The following CGAS variants were observed in gnomAD, a reference collection of about 807,000 sequenced individuals.
CGAS encodes 2'3'-cGAMP synthase.
In CGAS, 31 loss-of-function variants were observed where a neutral mutation model predicts 34.0. That is an observed-to-expected ratio of 0.91 (90% CI 0.69 to 1.23). CGAS has a LOEUF of 1.23. Among genes scored for constraint, CGAS ranks in the 50% most tolerant of loss-of-function variants. The pLI is 0.00. For synonymous variants in CGAS, 266 were observed against 260.0 expected, an observed-to-expected ratio of 1.02 and a Z score of -0.22; for missense variants, 597 against 657.6, an observed-to-expected ratio of 0.91 and a Z score of 1.01.
At chr6:73,440,954 C>A (rs1213465716) in intron 2 of CGAS, among the ~76,000 whole-genome samples, 1 of 152,010 alleles carries the variant, frequency 6.6e-6, no homozygotes, top group African/African-American at 2.4e-5. Flanking sequence ...TGATATCTCC[C>A]ATTGGGAGGC....
intron 2 of CGAS, 143 bp downstream of exon 2, chr6:73,445,385 T>C (rs1242911782): frequency 2.5e-6 from 1 of 392,850 alleles, no homozygotes; most frequent in Non-Finnish European, 4.7e-6. Flanking sequence ...ATTGCCAATG[T>C]ACACTCCTCT....
chr6:73,435,136 T>C (rs1367765308), intron 3 of CGAS, among the ~76,000 whole-genome samples: 1 of 152,072 alleles, frequency 6.6e-6, no homozygotes, highest in Non-Finnish European at 1.5e-5. Flanking sequence ...ATGGGCAACA[T>C]AGTGAAACTC....
intron 2 of CGAS, among the ~76,000 whole-genome samples, chr6:73,442,577 TG>T (rs1231927101): frequency 7.3e-5 from 11 of 150,836 alleles, no homozygotes; most frequent in African/African-American, 2.2e-4. Flanking sequence ...ATTAAAAAAA[TG>T]TTTTTTTCTT....
At chr6:73,431,452 C>T (rs1267404444) in intron 3 of CGAS, among the ~76,000 whole-genome samples, 1 of 152,034 alleles carries the variant, frequency 6.6e-6, no homozygotes, top group Non-Finnish European at 1.5e-5. Context: ...GACTGGGCAA[C>T]AAGAGCAAAA....
chr6:73,429,588 A>G lies in CGAS; in HGVS notation c.1115-777T>C, dbSNP rs371281017. Among the ~76,000 whole-genome samples the G allele has an allele frequency of 7.1e-3, 1,086 of 152,236 alleles. 8 individuals carry two copies. Among genetic ancestry groups the G allele is most frequent in the Middle Eastern group, 0.01 (3 of 292 alleles). On this transcript the variant is annotated intron_variant, in intron 3 of 4. Coordinates refer to ENST00000370315, the MANE Select transcript of CGAS (RefSeq NM_138441.3). ...ACGCCTGTAATCCCAGCACCTTGGGAGGCCAAGGTGGGCGGATCACAAGGT... is the reference window on the plus strand; with the variant it reads ...ACGCCTGTAATCCCAGCACCTTGGGGGGCCAAGGTGGGCGGATCACAAGGT...
chr6:73,428,877 A>G, intron 3 of CGAS, 66 bp from the exon 4 acceptor site: 1 of 1,391,444 alleles, frequency 7.2e-7, no homozygotes, highest in Non-Finnish European at 9.9e-7. Context: ...ACAATATTCA[A>G]GTGGTTTCCC....
chr6:73,429,122 G>A (rs1353889219), intron 3 of CGAS, among the ~76,000 whole-genome samples: 3 of 151,510 alleles, frequency 2.0e-5, no homozygotes, highest in African/African-American at 4.9e-5. Context: ...CCTGGGAGGT[G>A]GAGGTTGCAG....
intron 3 of CGAS, among the ~76,000 whole-genome samples, chr6:73,436,072 G>A (rs1309864130): frequency 1.3e-5 from 2 of 151,850 alleles, no homozygotes; most frequent in Non-Finnish European, 2.9e-5. Flanking sequence ...CTTGGGAGGT[G>A]GGAGACTGAG....
intron 3 of CGAS, among the ~76,000 whole-genome samples, chr6:73,432,510 C>T (rs538331952): frequency 5.3e-5 from 8 of 151,956 alleles, no homozygotes; most frequent in African/African-American, 1.9e-4. Context: ...CAGGCTGGAG[C>T]GCAGTGACAT....
chr6:73,445,238 T>G (rs926283890), intron 2 of CGAS, among the ~76,000 whole-genome samples: 1 of 151,832 alleles, frequency 6.6e-6, no homozygotes, highest in African/African-American at 2.4e-5. Flanking sequence ...TTCATATAAT[T>G]TAATCATTTA....
chr6:73,439,168 T>C (rs1161504797), intron 3 of CGAS, among the ~76,000 whole-genome samples: 1 of 152,056 alleles, frequency 6.6e-6, no homozygotes, highest in African/African-American at 2.4e-5. Flanking sequence ...CCAATAGTAG[T>C]AGGTGCCAAA....
intron 3 of CGAS, among the ~76,000 whole-genome samples, chr6:73,439,150 C>T (rs576536140): frequency 1.3e-5 from 2 of 151,896 alleles, no homozygotes; most frequent in Admixed American, 1.3e-4. Context: ...CTTCAATTTC[C>T]CTGGAATCCA....
chr6:73,448,774 A>G (rs1037058989), intron 1 of CGAS, among the ~76,000 whole-genome samples: 5 of 152,096 alleles, frequency 3.3e-5, no homozygotes, highest in Non-Finnish European at 7.4e-5. Context: ...CCTGGCCCAC[A>G]TATATCTCAT....
intron 3 of CGAS, among the ~76,000 whole-genome samples, chr6:73,430,623 A>G (rs1202605943): frequency 6.6e-6 from 1 of 152,076 alleles, no homozygotes; most frequent in Non-Finnish European, 1.5e-5. Flanking sequence ...CCTGGACAAC[A>G]GAGCGAGGCT....
chr6:73,450,438 G>GAAAGAA (rs1270786132), intron 1 of CGAS, among the ~76,000 whole-genome samples: 1 of 150,680 alleles, frequency 6.6e-6, no homozygotes, highest in Non-Finnish European at 1.5e-5. Context: ...AAGAAAGAAA[G>GAAAGAA]AAAGAAAAAG....
chr6:73,444,536 T>C (rs945158568), intron 2 of CGAS, among the ~76,000 whole-genome samples: 2 of 148,024 alleles, frequency 1.4e-5, no homozygotes, highest in Middle Eastern at 3.7e-3. Context: ...CTCAAACTCC[T>C]GAGCTCAGGT....
At chr6:73,441,082 CTTT>C (rs570875136) in intron 2 of CGAS, among the ~76,000 whole-genome samples, 4 of 136,248 alleles carry the variant, frequency 2.9e-5, no homozygotes, top group Non-Finnish European at 3.2e-5. Context: ...TTTTCTTTTT[CTTT>C]TTTTTTTTTT....
intron 3 of CGAS, among the ~76,000 whole-genome samples, chr6:73,431,901 C>A (rs892998736): frequency 2.7e-5 from 4 of 150,658 alleles, no homozygotes; most frequent in Non-Finnish European, 5.9e-5. Flanking sequence ...GTGAACACAG[C>A]TCACTGAAAC....
At chr6:73,439,842 C>T (rs755121937) in intron 3 of CGAS, 2 of 215,854 alleles carry the variant, frequency 9.3e-6, no homozygotes, top group Non-Finnish European at 9.3e-6. Flanking sequence ...ACACAGTGTA[C>T]GGATGAGCAA....
Sources: allele counts gnomAD v4.1 joint callset (sites outside exome capture counted in the v4.1 genomes callset), GRCh38; gene constraint gnomAD v4.1.1; transcripts MANE v1.5; gene names NCBI Gene and HGNC (gene_info 2026-07-23, HGNC 2026-07-21).